SH3BP4: variants seen among roughly 807,000 people sequenced by gnomAD.
SH3BP4 encodes the protein SH3 domain-binding protein 4.
SH3BP4 carries 33 observed loss-of-function variants against 65.5 expected under a neutral mutation model. The observed-to-expected ratio is 0.50, with a 90% CI of 0.38 to 0.67. The LOEUF is 0.67. Ranked by LOEUF, SH3BP4 falls within the 30% of genes least tolerant of loss-of-function variation. The probability of loss-of-function intolerance (pLI) is 0.00; values close to 1 mark genes in which losing one functional copy is unlikely to be tolerated. For synonymous variants in SH3BP4, 552 were observed against 545.5 expected (o/e 1.01, Z -0.17); for missense variants, 1,134 against 1,261.4 (o/e 0.90, Z 1.53).
At chr2:235,027,960 G>T (rs1695055275) in intron 2 of SH3BP4, among the ~76,000 whole-genome samples, 1 of 152,206 alleles carries the variant, frequency 6.6e-6, no homozygotes, top group Admixed American at 6.5e-5. Flanking sequence ...TGCGTGGCGT[G>T]ACAGCAGCCG....
chr2:235,029,797 C>G (rs1053548942), intron 2 of SH3BP4, among the ~76,000 whole-genome samples: 2 of 152,196 alleles, frequency 1.3e-5, no homozygotes, highest in Admixed American at 6.5e-5. Flanking sequence ...CGAGTCGGAT[C>G]TGAGGCTCTG....
chr2:235,038,304 T>TATAATATATAGTATATATA (rs1553567340), intron 3 of SH3BP4, among the ~76,000 whole-genome samples: 3 of 13,754 alleles, frequency 2.2e-4, no homozygotes, highest in African/African-American at 6.1e-4. Flanking sequence ...ATATATTATA[T>TATAATATATAGTATATATA]ATATATATTA....
intron 2 of SH3BP4, among the ~76,000 whole-genome samples, chr2:235,024,497 G>A (rs914985761): frequency 6.6e-6 from 1 of 152,126 alleles, no homozygotes; most frequent in African/African-American, 2.4e-5. Flanking sequence ...CTCAGACATG[G>A]CATGTGTGTG....
At chr2:234,970,302 G>A (rs1374237831) in intron 1 of SH3BP4, among the ~76,000 whole-genome samples, 3 of 152,222 alleles carry the variant, frequency 2.0e-5, no homozygotes, top group Non-Finnish European at 2.9e-5. Context: ...ACCTTGGCGG[G>A]ACTTCTCCTT....
At position 235,038,281 on chromosome 2, in the gene SH3BP4, T is replaced by TAG. The variant is rs1491378716; in HGVS notation, c.119-2607_119-2606insAG. Among the ~76,000 whole-genome samples the TAG allele has an allele frequency of 4.1e-3, 100 of 24,394 alleles. 6 individuals carry two copies. Among genetic ancestry groups the TAG allele is most frequent in the African/African-American group, 0.018 (96 of 5,296 alleles). The allele number at this position is 24,394 out of a possible 152,430, so 16.0% of individuals were successfully genotyped here. On this transcript the variant is annotated intron_variant, in intron 3 of 5. Transcript: ENST00000392011. ...TAATATATATTATATATAATATATATTATATATAATATATATATTATATAT... is the reference window on the plus strand; with the variant it reads ...TAATATATATTATATATAATATATATAGTATATATAATATATATATTATATAT...
chr2:234,969,450 G>A (rs1276773925), intron 1 of SH3BP4, among the ~76,000 whole-genome samples: 2 of 152,116 alleles, frequency 1.3e-5, no homozygotes, highest in African/African-American at 4.8e-5. Flanking sequence ...CCTCTGACTG[G>A]GAGGCCACCC....
rs1158236648 is a variant in SH3BP4, at chr2:235,053,605, C to T, written c.2681C>T (p.Pro894Leu). Residue 894 changes from proline (P) to leucine (L), a missense_variant, in exon 6 of 6, where the codon CCT becomes CTT. Physicochemically the swap from Pro to Leu is moderately conservative, Grantham distance 98. Coordinates refer to ENST00000392011, the MANE Select transcript of SH3BP4 (RefSeq NM_014521.3). Reference protein sequence around the residue: ...GVVDSEAMWKPAYDFLLTWSH... With the variant: ...GVVDSEAMWKLAYDFLLTWSH... ...TCCACCTCCCAGGCCATGTGGAAGC[C>T]TGCGTATGACTTCTTACTCACCTGG... The T allele has an allele frequency of 6.2e-7, 1 of 1,614,044 alleles. No individual in the cohort carries two copies.
intron 2 of SH3BP4, among the ~76,000 whole-genome samples, chr2:235,011,630 C>T (rs967853621): frequency 6.6e-6 from 1 of 152,184 alleles, no homozygotes; most frequent in African/African-American, 2.4e-5. Flanking sequence ...CTGAGAACAG[C>T]GACAGTCTTG....
chr2:235,000,863 G>T (rs1328353029), intron 2 of SH3BP4, among the ~76,000 whole-genome samples: 1 of 152,210 alleles, frequency 6.6e-6, no homozygotes, highest in African/African-American at 2.4e-5. Flanking sequence ...GCCTTTTTCT[G>T]CACTGGTGGT....
rs1695882740 is a variant in SH3BP4, at chr2:235,046,986, C to T, written c.2478+3739C>T. Among the ~76,000 whole-genome samples the T allele has an allele frequency of 6.6e-6, 1 of 152,186 alleles. No homozygotes were observed. Among genetic ancestry groups the T allele is most frequent in the African/African-American group, 2.4e-5 (1 of 41,448 alleles). Reference sequence around the variant, plus strand: ...GCACCCCTCTGTCCTGGCCACTTCTCTCCCACCAGAGCCTCTGTCCGTGAT... The same window carrying T: ...GCACCCCTCTGTCCTGGCCACTTCTTTCCCACCAGAGCCTCTGTCCGTGAT... On this transcript the variant is annotated intron_variant, in intron 4 of 5. Transcript: ENST00000392011. This position sits in a 1 kb window ranked among gnomAD's most constrained non-coding sequence, Gnocchi z 4.2.
Position 235,053,595 on chromosome 2 carries a change from A to G in SH3BP4, c.2671A>G (p.Met891Val). 6.2e-7 allele frequency: 1 copy of G among 1,613,542 alleles called. No individual in the cohort carries two copies. Among genetic ancestry groups the G allele is most frequent in the Admixed American group, 1.7e-5 (1 of 60,012 alleles). Residue 891 changes from methionine to valine, a missense_variant, in exon 6 of 6, where the codon ATG (methionine) becomes GTG (valine). Coordinates refer to ENST00000392011, the MANE Select transcript of SH3BP4 (RefSeq NM_014521.3). ...DRNGVVDSEA[M>V]WKPAYDFLLT... is the part of the protein sequence containing the mutation. ...TTTTTACAACTCCACCTCCCAGGCC[A>G]TGTGGAAGCCTGCGTATGACTTCTT...
At chr2:235,017,204 C>T (rs1354313562) in intron 2 of SH3BP4, among the ~76,000 whole-genome samples, 2 of 151,872 alleles carry the variant, frequency 1.3e-5, no homozygotes, top group African/African-American at 4.8e-5. Context: ...AGATCCAGCA[C>T]TTTAGGAGGC....
intron 1 of SH3BP4, among the ~76,000 whole-genome samples, chr2:234,968,441 A>G (rs1302722010): frequency 7.2e-6 from 1 of 138,432 alleles, no homozygotes; most frequent in East Asian, 2.1e-4. Context: ...GAATTATTGC[A>G]TTGGGGCCAG....
chr2:235,043,898 G>A (rs115417683), intron 4 of SH3BP4, among the ~76,000 whole-genome samples: 1 of 152,274 alleles, frequency 6.6e-6, no homozygotes, highest in Non-Finnish European at 1.5e-5. Context: ...ACAACCCAAG[G>A]ACCCTGCAAA....
intron 1 of SH3BP4, among the ~76,000 whole-genome samples, chr2:234,955,689 A>T (rs980066708): frequency 6.6e-6 from 1 of 152,168 alleles, no homozygotes; most frequent in African/African-American, 2.4e-5. Context: ...ATCAGGAAGC[A>T]TATGGATTTG....
intron 4 of SH3BP4, among the ~76,000 whole-genome samples, chr2:235,050,282 AT>A (rs1330089772): frequency 6.6e-6 from 1 of 151,498 alleles, no homozygotes; most frequent in Non-Finnish European, 1.5e-5. Context: ...CACCCGGCTA[AT>A]TTTTTTTGTA....
intron 1 of SH3BP4, chr2:234,979,326 G>T (rs1693277163): frequency 6.6e-6 from 1 of 152,204 alleles, no homozygotes; most frequent in African/African-American, 2.4e-5. Flanking sequence ...TAAACCTGAA[G>T]CATTTGAGGG....
intron 2 of SH3BP4, among the ~76,000 whole-genome samples, chr2:235,007,172 A>G (rs1250568710): frequency 6.6e-6 from 1 of 152,058 alleles, no homozygotes; most frequent in Non-Finnish European, 1.5e-5. Flanking sequence ...GGGAGAGTCC[A>G]GGTGAGACAG....
chr2:234,966,999 A>T (rs956174075), intron 1 of SH3BP4, among the ~76,000 whole-genome samples: 8 of 152,174 alleles, frequency 5.3e-5, no homozygotes, highest in Admixed American at 1.3e-4. Context: ...TATTGTGCTT[A>T]TAGTAATAAT....
Sources: allele counts gnomAD v4.1 joint callset (sites outside exome capture counted in the v4.1 genomes callset), GRCh38; gene constraint gnomAD v4.1.1; non-coding constraint Gnocchi (gnomAD v3.1); transcripts MANE v1.5; gene names NCBI Gene and HGNC (gene_info 2026-07-23, HGNC 2026-07-21).